Variants in SLC35F1 observed in about 807,000 individuals in gnomAD.
SLC35F1 encodes solute carrier family 35 member F1.
A neutral mutation model predicts 48.7 loss-of-function variants in SLC35F1; 14 were observed. The ratio of observed to expected loss-of-function variants is 0.29; its 90% CI spans 0.19 to 0.45. SLC35F1 has a LOEUF of 0.45. Ranked by LOEUF, SLC35F1 falls within the 20% of genes least tolerant of loss-of-function variation. The probability of loss-of-function intolerance (pLI) is 1.00; values close to 1 mark genes in which losing one functional copy is unlikely to be tolerated. For synonymous variants in SLC35F1, 190 were observed against 202.2 expected, an observed-to-expected ratio of 0.94 and a Z score of 0.51; for missense variants, 404 against 500.0, an observed-to-expected ratio of 0.81 and a Z score of 1.83.
At chr6:118,007,482 T>A (rs2355798) in intron 1 of SLC35F1, among the ~76,000 whole-genome samples, 99,487 of 151,994 alleles carry the variant, frequency 0.65, 32,698 homozygotes, top group East Asian at 0.82. Flanking sequence ...ACTTCAGGGG[T>A]GCACTCTTTA....
intron 7 of SLC35F1, among the ~76,000 whole-genome samples, chr6:118,287,737 T>G (rs1350335453): frequency 1.3e-5 from 2 of 152,158 alleles, no homozygotes; most frequent in African/African-American, 2.4e-5. Context: ...TTCCCACACT[T>G]CCACTGATGT....
At chr6:118,217,718 C>G (rs1775094367) in intron 2 of SLC35F1, among the ~76,000 whole-genome samples, 1 of 152,096 alleles carries the variant, frequency 6.6e-6, no homozygotes, top group Admixed American at 6.5e-5. Flanking sequence ...TTTCTCCTTG[C>G]AGGAATTATG....
intron 1 of SLC35F1, among the ~76,000 whole-genome samples, chr6:118,119,654 C>T (rs1054791965): frequency 3.9e-5 from 6 of 151,992 alleles, no homozygotes; most frequent in African/African-American, 1.5e-4. Flanking sequence ...CAGGGGCCCA[C>T]CACCATGCCC....
chr6:118,010,696 A>G (rs772376521), intron 1 of SLC35F1, among the ~76,000 whole-genome samples: 2 of 152,042 alleles, frequency 1.3e-5, no homozygotes, highest in African/African-American at 4.8e-5. Context: ...TGGGGGTTTT[A>G]TTTTTCCTCC....
intron 1 of SLC35F1, among the ~76,000 whole-genome samples, chr6:117,944,981 A>T (rs1562244900): frequency 6.6e-6 from 1 of 152,226 alleles, no homozygotes; most frequent in Non-Finnish European, 1.5e-5. Flanking sequence ...GCTCTGTGCC[A>T]AACACATTTT....
intron 3 of SLC35F1, among the ~76,000 whole-genome samples, chr6:118,238,341 A>G (rs1775392991): frequency 6.6e-6 from 1 of 151,900 alleles, no homozygotes; most frequent in Non-Finnish European, 1.5e-5. Context: ...CAGCTGCCCA[A>G]CTACTGGGGA....
chr6:118,098,210 T>A (rs563803518), intron 1 of SLC35F1, among the ~76,000 whole-genome samples: 1 of 152,338 alleles, frequency 6.6e-6, no homozygotes, highest in Admixed American at 6.5e-5. Flanking sequence ...ATTTTCACAA[T>A]AACCTCATGA....
Position 118,182,563 on chromosome 6 carries a change from G to GGAAGGAAGGAAGGAAGGAAA in SLC35F1, c.349+27943_349+27944insGAAGGAAGGAAGGAAGGAAA, listed in dbSNP as rs71012385. On this transcript the variant is annotated intron_variant, in intron 2 of 7. Transcript: ENST00000360388. ...AGGAAGGAAGGAAGGAAGGAAGGAA[G>GGAAGGAAGGAAGGAAGGAAA]AAAAAAAGAAAGGCAATTTAGGTCA... Among the ~76,000 whole-genome samples, 3 of 147,822 alleles carry GGAAGGAAGGAAGGAAGGAAA rather than the reference G, an allele frequency of 2.0e-5. No homozygotes were observed. The East Asian group carries it at 6.0e-4, about 30-fold the overall frequency.
intron 1 of SLC35F1, among the ~76,000 whole-genome samples, chr6:117,996,173 T>C (rs903063881): frequency 1.3e-5 from 2 of 152,354 alleles, no homozygotes; most frequent in African/African-American, 4.8e-5. Context: ...ACTTTACATT[T>C]ATAAATTTTA....
At chr6:118,206,855 C>T (rs1413845) in intron 2 of SLC35F1, among the ~76,000 whole-genome samples, 96,563 of 152,064 alleles carry the variant, frequency 0.64, 31,538 homozygotes, top group African/African-American at 0.76. Flanking sequence ...GTTTTCCCTG[C>T]TGAAGCTCTT....
intron 7 of SLC35F1, among the ~76,000 whole-genome samples, chr6:118,310,595 G>A (rs1482255235): frequency 1.3e-5 from 2 of 151,642 alleles, no homozygotes; most frequent in African/African-American, 2.4e-5. Context: ...ATGCTTGCTT[G>A]ACTGCTGTCT....
intron 1 of SLC35F1, among the ~76,000 whole-genome samples, chr6:117,952,181 AGT>A (rs146160356): frequency 6.6e-6 from 1 of 150,982 alleles, no homozygotes; most frequent in East Asian, 2.0e-4. Flanking sequence ...TGTCTGTATG[AGT>A]GTGTGTGTGT....
intron 3 of SLC35F1, among the ~76,000 whole-genome samples, chr6:118,257,560 C>A (rs1192645548): frequency 6.6e-6 from 1 of 152,130 alleles, no homozygotes; most frequent in Non-Finnish European, 1.5e-5. Flanking sequence ...TAGAATACAA[C>A]CAATTTGACC....
At chr6:118,035,052 T>G (rs1772106390) in intron 1 of SLC35F1, among the ~76,000 whole-genome samples, 1 of 152,230 alleles carries the variant, frequency 6.6e-6, no homozygotes, top group Non-Finnish European at 1.5e-5. Flanking sequence ...AAGAATTTGA[T>G]TTCTTTAATA....
intron 1 of SLC35F1, among the ~76,000 whole-genome samples, chr6:118,031,427 G>A (rs1480418022): frequency 6.6e-6 from 1 of 152,174 alleles, no homozygotes; most frequent in Non-Finnish European, 1.5e-5. Context: ...TGTTCACATG[G>A]ACCTGCTGGA....
rs1227876807 is a variant in SLC35F1, at chr6:117,907,330, C to T, written c.-397C>T. Among the ~76,000 whole-genome samples the T allele has an allele frequency of 6.6e-6, 1 of 150,996 alleles. No individual in the cohort carries two copies. Among genetic ancestry groups the T allele is most frequent in the African/African-American group, 2.4e-5 (1 of 41,296 alleles). On this transcript the variant is annotated 5_prime_UTR_variant, in exon 1 of 8. Coordinates refer to ENST00000360388, the MANE Select transcript of SLC35F1 (RefSeq NM_001029858.4). ...CGGCGCCAGCACAACTGCCGCCGCG[C>T]GCCCCGAGGAGACCCGGGCACGAGG...
At position 118,267,128 on chromosome 6, in the gene SLC35F1, T is replaced by C. The variant is rs1215904667; in HGVS notation, c.611T>C (p.Val204Ala). 1 of 1,613,976 alleles carries C rather than the reference T, an allele frequency of 6.2e-7. No individual in the cohort carries two copies. The highest frequency in any genetic ancestry group is 8.5e-7 in the Non-Finnish European group (1 of 1,179,886). Residue 204 changes from valine (V) to alanine (A), a missense_variant, in exon 4 of 8, where the codon GTG (valine) becomes GCG (alanine). Coordinates refer to ENST00000360388, the MANE Select transcript of SLC35F1 (RefSeq NM_001029858.4). The stretch of plus-strand genomic sequence containing the variant: ...ATGGGCTGCATGGTGGGAGCAGATG[T>C]GCTTGTGGGAAGACATCAGGGAGCA... ...LGMGCMVGADVLVGRHQGAGE... is the reference protein window; with the variant it reads ...LGMGCMVGADALVGRHQGAGE...
chr6:117,985,148 A>C (rs1039803121), intron 1 of SLC35F1, among the ~76,000 whole-genome samples: 1 of 152,232 alleles, frequency 6.6e-6, no homozygotes, highest in East Asian at 1.9e-4. Context: ...GAGAATAAAA[A>C]ATAATGTGTT....
At chr6:117,923,611 A>ATGTACATATACATATACGTATATG (rs1554216657) in intron 1 of SLC35F1, among the ~76,000 whole-genome samples, 1 of 19,874 alleles carries the variant, frequency 5.0e-5, no homozygotes, top group African/African-American at 3.6e-4. Context: ...ATATATACAT[A>ATGTACATATACATATACGTATATG]TACATATGTA....
Sources: gnomAD v4.1 joint callset for allele counts (sites outside exome capture counted in the v4.1 genomes callset) on GRCh38, gnomAD v4.1.1 for gene constraint, MANE v1.5 for transcripts, NCBI Gene and HGNC (gene_info 2026-07-23, HGNC 2026-07-21) for gene names.